LPP: variants seen among roughly 807,000 people sequenced by gnomAD.
LPP encodes lipoma-preferred partner.
A neutral mutation model predicts 60.4 loss-of-function variants in LPP; 38 were observed. The ratio of observed to expected loss-of-function variants is 0.63; its 90% CI spans 0.49 to 0.83. The LOEUF is 0.83. LPP is among the 40% of genes least tolerant of loss of function. LPP has a pLI of 0.00. For missense variants in LPP, 902 were observed against 783.6 expected (o/e 1.15, Z -1.80); for synonymous variants, 328 against 290.8 (o/e 1.13, Z -1.30).
At chr3:188,855,096 T>A (rs1763514260) in intron 9 of LPP, among the ~76,000 whole-genome samples, 2 of 152,208 alleles carry the variant, frequency 1.3e-5, no homozygotes. Context: ...ACAAATACTG[T>A]AAGTAAAAAG....
chr3:188,731,305 C>CT (rs369796378), intron 8 of LPP, among the ~76,000 whole-genome samples: 209 of 150,962 alleles, frequency 1.4e-3, no homozygotes, highest in African/African-American at 4.5e-3. Flanking sequence ...TTCACTCCAC[C>CT]TTTTTTTTTG....
intron 1 of LPP, among the ~76,000 whole-genome samples, chr3:188,199,834 C>T (rs1730568050): frequency 6.6e-6 from 1 of 151,912 alleles, no homozygotes; most frequent in African/African-American, 2.4e-5. Context: ...CCTGCCTCAG[C>T]CTCCCGAGTA....
intron 9 of LPP, among the ~76,000 whole-genome samples, chr3:188,858,333 C>T (rs1024102161): frequency 3.3e-5 from 5 of 152,160 alleles, no homozygotes; most frequent in African/African-American, 4.8e-5. Flanking sequence ...AGCTCTTAGG[C>T]CCCTTCCCCC....
At chr3:188,577,782 G>GT (rs1835064210) in intron 6 of LPP, among the ~76,000 whole-genome samples, 1 of 88,452 alleles carries the variant, frequency 1.1e-5, no homozygotes, top group Non-Finnish European at 2.3e-5. Context: ...CCTTCCTTCT[G>GT]TCCTTCCCTT....
intron 7 of LPP, among the ~76,000 whole-genome samples, chr3:188,643,048 A>C (rs1850458016): frequency 7.0e-6 from 1 of 142,438 alleles, no homozygotes; most frequent in African/African-American, 3.1e-5. Flanking sequence ...GCCTGGGTAC[A>C]AGAAGAAGCG....
chr3:188,695,894 G>C (rs2149521126), intron 7 of LPP, among the ~76,000 whole-genome samples: 1 of 152,252 alleles, frequency 6.6e-6, no homozygotes, highest in South Asian at 2.1e-4. Context: ...ATATAGAGAT[G>C]GCTGTAAATT....
Position 188,604,324 on chromosome 3 carries a change from ATGT to A in LPP, c.430-4832_430-4830del, listed in dbSNP as rs768756779. Among the ~76,000 whole-genome samples the A allele has an allele frequency of 5.4e-4, 82 of 152,260 alleles. 1 individual carries two copies. The highest frequency in any genetic ancestry group is 6.8e-3 in the Middle Eastern group (2 of 294). ...TTCAGAATGTACTTTGTTTTAGTAC[ATGT>A]TGTTAAATACTATTTTTAAATGCAT... On this transcript the variant is annotated intron_variant, in intron 6 of 11. Coordinates refer to ENST00000617246, the MANE Select transcript of LPP (RefSeq NM_001375462.1).
At chr3:188,635,501 C>T (rs1040637094) in intron 7 of LPP, among the ~76,000 whole-genome samples, 15 of 152,118 alleles carry the variant, frequency 9.9e-5, no homozygotes, top group Non-Finnish European at 1.3e-4. Context: ...CAAGGCGTTC[C>T]GAACCATGTG....
intron 9 of LPP, among the ~76,000 whole-genome samples, chr3:188,829,224 C>T (rs1049743046): frequency 1.3e-5 from 2 of 152,136 alleles, no homozygotes; most frequent in East Asian, 1.9e-4. Context: ...TTCCCTCCAC[C>T]GCCTCTCCTC....
chr3:188,630,305 A>C (rs920074538), intron 7 of LPP, among the ~76,000 whole-genome samples: 2 of 152,184 alleles, frequency 1.3e-5, no homozygotes, highest in Non-Finnish European at 2.9e-5. Context: ...AAAAATGGGC[A>C]AAGGACATGA....
intron 2 of LPP, among the ~76,000 whole-genome samples, chr3:188,316,526 T>C (rs894642050): frequency 1.3e-5 from 2 of 152,146 alleles, no homozygotes; most frequent in Non-Finnish European, 2.9e-5. Flanking sequence ...AGAGATCACA[T>C]GATGCCCATG....
At chr3:188,422,625 A>G (rs1418901882) in intron 4 of LPP, among the ~76,000 whole-genome samples, 2 of 152,194 alleles carry the variant, frequency 1.3e-5, no homozygotes, top group African/African-American at 4.8e-5. Context: ...AAGAAAAAGA[A>G]CAGGAACTCC....
At chr3:188,235,315 T>A (rs1034075614) in intron 2 of LPP, among the ~76,000 whole-genome samples, 2 of 152,090 alleles carry the variant, frequency 1.3e-5, no homozygotes, top group Admixed American at 1.3e-4. Flanking sequence ...TTATGGAAAA[T>A]GCTTAATGTT....
At chr3:188,449,457 C>G (rs1796090120) in intron 4 of LPP, among the ~76,000 whole-genome samples, 1 of 152,098 alleles carries the variant, frequency 6.6e-6, no homozygotes, top group South Asian at 2.1e-4. Flanking sequence ...TTATCAGCCA[C>G]TTCCCATATG....
At chr3:188,318,418 CAA>C (rs397946048) in intron 2 of LPP, among the ~76,000 whole-genome samples, 1 of 130,206 alleles carries the variant, frequency 7.7e-6, no homozygotes, top group East Asian at 2.4e-4. Flanking sequence ...TCCAAAAAAA[CAA>C]AAAAAAAAAA....
intron 6 of LPP, among the ~76,000 whole-genome samples, chr3:188,538,416 A>G (rs981186546): frequency 6.6e-6 from 1 of 152,236 alleles, no homozygotes; most frequent in African/African-American, 2.4e-5. Context: ...AGGATATACA[A>G]GTGGATAATA....
intron 9 of LPP, among the ~76,000 whole-genome samples, chr3:188,796,372 G>A (rs1297966670): frequency 6.6e-6 from 1 of 152,170 alleles, no homozygotes; most frequent in African/African-American, 2.4e-5. Context: ...CTTAGGCCTT[G>A]CTAAGCATTT....
rs767094553 is a variant in LPP at position 188,351,948 on chromosome 3, C to T, written c.-10+10229C>T. 7.8e-4 allele frequency among the ~76,000 whole-genome samples: 119 copies of T among 152,316 alleles called. No individual in the cohort carries two copies. In the Middle Eastern group the frequency reaches 0.014, roughly 17 times the overall value. On this transcript the variant is annotated intron_variant, in intron 3 of 11. Coordinates refer to ENST00000617246, the MANE Select transcript of LPP (RefSeq NM_001375462.1). ...TTGGAGAGCTGCAACCTGAGTGCCT[C>T]GTTCTTGAGTGTCTGTAGCATTGGC...
chr3:188,355,515 C>T (rs6777405), intron 3 of LPP, among the ~76,000 whole-genome samples: 125,126 of 152,092 alleles, frequency 0.82, 51,777 homozygotes, highest in African/African-American at 0.9. Flanking sequence ...ATGGGTACTT[C>T]AGCAGTAAAA....
Sources: allele counts gnomAD v4.1 joint callset (sites outside exome capture counted in the v4.1 genomes callset), GRCh38; gene constraint gnomAD v4.1.1; transcripts MANE v1.5; gene names NCBI Gene and HGNC (gene_info 2026-07-23, HGNC 2026-07-21).